Variants in MARCHF8 observed in about 807,000 individuals in gnomAD.
MARCHF8 encodes E3 ubiquitin-protein ligase MARCHF8.
A neutral mutation model predicts 51.6 loss-of-function variants in MARCHF8; 40 were observed. The observed-to-expected ratio is 0.77, with a 90% CI of 0.60 to 1.01. MARCHF8 has a LOEUF of 1.01. Among genes scored for constraint, MARCHF8 ranks in the 50% least tolerant of loss-of-function variants. The probability of loss-of-function intolerance (pLI) is 0.00; values close to 1 mark genes in which losing one functional copy is unlikely to be tolerated. For synonymous variants in MARCHF8, 263 were observed against 280.3 expected (o/e 0.94, Z 0.62); for missense variants, 685 against 708.6 (o/e 0.97, Z 0.38).
chr10:45,517,879 AAT>A (rs1300338072), intron 2 of MARCHF8, among the ~76,000 whole-genome samples: 7 of 152,318 alleles, frequency 4.6e-5, no homozygotes, highest in African/African-American at 1.7e-4. Context: ...AAGGATTTGC[AAT>A]GTTTTTTCAT....
At chr10:45,593,284 T>C (rs1385095194) in intron 1 of MARCHF8, 3 of 151,734 alleles carry the variant, frequency 2.0e-5, no homozygotes, top group African/African-American at 4.8e-5. Flanking sequence ...AACCCTAGTC[T>C]CCAAAATCAA....
chr10:45,576,742 T>A (rs919622156), intron 1 of MARCHF8, among the ~76,000 whole-genome samples: 3 of 147,566 alleles, frequency 2.0e-5, no homozygotes, highest in Non-Finnish European at 4.5e-5. Flanking sequence ...GACAACACAG[T>A]GAGGCTTCAT....
chr10:45,575,533 A>T (rs1331732807), intron 1 of MARCHF8, among the ~76,000 whole-genome samples: 1 of 151,884 alleles, frequency 6.6e-6, no homozygotes, highest in Non-Finnish European at 1.5e-5. Context: ...CTTACCACAA[A>T]ATCTTCCTTC....
intron 1 of MARCHF8, among the ~76,000 whole-genome samples, chr10:45,550,207 G>A (rs188365826): frequency 1.1e-4 from 17 of 152,126 alleles, no homozygotes; most frequent in East Asian, 5.8e-4. Flanking sequence ...TTTATAATAC[G>A]GGGAAAAAGG....
rs551994763 is a variant in MARCHF8 at position 45,570,911 on chromosome 10, A to C, written c.-79+23324T>G. Among the ~76,000 whole-genome samples, 10 of 152,304 alleles carry C rather than the reference A, an allele frequency of 6.6e-5. No individual in the cohort carries two copies. The South Asian group carries it at 2.1e-3, about 32-fold the overall frequency. On this transcript the variant is annotated intron_variant, in intron 1 of 6. Transcript: ENST00000319836. The stretch of plus-strand genomic sequence containing the variant: ...GGAAGCCCCATATACTGAAAACCAC[A>C]AAACACTGCTGAAAGAAATACCTAA...
chr10:45,555,491 C>G (rs549522510), intron 1 of MARCHF8, among the ~76,000 whole-genome samples: 1 of 151,984 alleles, frequency 6.6e-6, no homozygotes, highest in Admixed American at 6.6e-5. Context: ...AATCTCAGTA[C>G]TTTGTGAGGC....
In MARCHF8 at chr10:45,461,465, T is replaced by C. The variant is rs968739723; in HGVS notation, c.1089-54A>G. The C allele has an allele frequency of 1.4e-5, 20 of 1,411,126 alleles. No homozygotes were observed. The African/African-American group carries it at 2.4e-4, about 17-fold the overall frequency. 87.4% of individuals were successfully genotyped at this position (1,411,126 alleles called of 1,614,324 possible). A position where few individuals can be genotyped will look rare whatever the true frequency, so the allele number is the denominator to read the frequency against. ...AAGGACAGTCCCATGACAGGGAAGC[T>C]GACACTTCAGTGGCAGGTTAATCCC... is the stretch of plus-strand genomic sequence containing the variant. On this transcript the variant is annotated intron_variant, in intron 5 of 7. Transcript: ENST00000453424.
intron 2 of MARCHF8, among the ~76,000 whole-genome samples, chr10:45,523,801 A>C (rs919877870): frequency 1.3e-5 from 2 of 152,040 alleles, no homozygotes; most frequent in African/African-American, 4.8e-5. Context: ...ACCAGACAAG[A>C]CTCTTGGTTT....
intron 1 of MARCHF8, among the ~76,000 whole-genome samples, chr10:45,544,941 C>A (rs945286204): frequency 3.3e-5 from 5 of 152,106 alleles, no homozygotes; most frequent in Non-Finnish European, 5.9e-5. Context: ...CCAGCAACAG[C>A]AGTGTTCCTT....
rs1261034050 is a variant in MARCHF8, at chr10:45,512,805, T to G, written c.102+20305A>C. Among the ~76,000 whole-genome samples, 6 of 152,102 alleles carry G rather than the reference T, an allele frequency of 3.9e-5. No homozygotes were observed. The East Asian group carries it at 5.8e-4, about 15-fold the overall frequency. Reference sequence around the variant, plus strand: ...AAAGGGGGGAAAGGTGGGGAAAAGATTGGGAAATCGGATGGTTGCCGTGTC... The same window carrying G: ...AAAGGGGGGAAAGGTGGGGAAAAGAGTGGGAAATCGGATGGTTGCCGTGTC... On this transcript the variant is annotated intron_variant, in intron 2 of 7. Coordinates refer to ENST00000453424, the MANE Select transcript of MARCHF8 (RefSeq NM_001282866.2).
At chr10:45,540,774 T>A (rs531651255) in intron 1 of MARCHF8, among the ~76,000 whole-genome samples, 1 of 152,220 alleles carries the variant, frequency 6.6e-6, no homozygotes, top group South Asian at 2.1e-4. Flanking sequence ...GAACAGACAC[T>A]TCTCAAAAGA....
At chr10:45,488,593 C>T (rs1042475557) in intron 3 of MARCHF8, among the ~76,000 whole-genome samples, 1 of 152,206 alleles carries the variant, frequency 6.6e-6, no homozygotes, top group African/African-American at 2.4e-5. Flanking sequence ...ACTGCTCCGG[C>T]CGACTGCTCC....
At chr10:45,535,182 G>C (rs2043953992) in intron 1 of MARCHF8, 29 bp downstream of exon 1, 1 of 152,216 alleles carries the variant, frequency 6.6e-6, no homozygotes. Flanking sequence ...TTGTATTCAA[G>C]CACGTCACAC....
intron 1 of MARCHF8, among the ~76,000 whole-genome samples, chr10:45,575,334 C>A (rs545886899): frequency 6.6e-6 from 1 of 152,154 alleles, no homozygotes; most frequent in African/African-American, 2.4e-5. Flanking sequence ...CCACACAAGG[C>A]AAGGGTTTTT....
intron 7 of MARCHF8, among the ~76,000 whole-genome samples, chr10:45,458,852 AG>A (rs1842695119): frequency 6.6e-6 from 1 of 152,208 alleles, no homozygotes; most frequent in South Asian, 2.1e-4. Context: ...GTCAAAGAAG[AG>A]TGGAAGACAG....
At chr10:45,464,751 T>C (rs1366700698) in intron 3 of MARCHF8, among the ~76,000 whole-genome samples, 1 of 152,120 alleles carries the variant, frequency 6.6e-6, no homozygotes, top group Non-Finnish European at 1.5e-5. Context: ...CTGGTAGATT[T>C]AAGAGCTCTC....
intron 1 of MARCHF8, among the ~76,000 whole-genome samples, chr10:45,571,560 C>T (rs766688037): frequency 2.0e-5 from 3 of 152,084 alleles, no homozygotes; most frequent in Non-Finnish European, 4.4e-5. Context: ...TCTTCACAGA[C>T]GTGAGTGAAA....
At chr10:45,560,697 T>A (rs1184705063) in intron 1 of MARCHF8, among the ~76,000 whole-genome samples, 2 of 152,020 alleles carry the variant, frequency 1.3e-5, no homozygotes, top group Non-Finnish European at 2.9e-5. Flanking sequence ...TCAGCCAGGG[T>A]CTGCGGGTCG....
intron 1 of MARCHF8, among the ~76,000 whole-genome samples, chr10:45,580,710 G>A (rs992406219): frequency 1.3e-5 from 2 of 152,106 alleles, no homozygotes; most frequent in African/African-American, 4.8e-5. Context: ...AAACATGCTT[G>A]GAGCTTTCGT....
Sources: allele counts gnomAD v4.1 joint callset (sites outside exome capture counted in the v4.1 genomes callset), GRCh38; gene constraint gnomAD v4.1.1; transcripts MANE v1.5; gene names NCBI Gene and HGNC (gene_info 2026-07-23, HGNC 2026-07-21).